The following FASTKD1 variants were observed in gnomAD, a reference collection of about 807,000 sequenced individuals.
FASTKD1 encodes FAST kinase domain-containing protein 1, mitochondrial.
In FASTKD1, 94 loss-of-function variants were observed where a neutral mutation model predicts 90.9. That is an observed-to-expected ratio of 1.03 (90% CI 0.88 to 1.23). The LOEUF (loss-of-function observed/expected upper bound fraction) is 1.23, where lower values mean the gene tolerates loss of function less well. Among genes scored for constraint, FASTKD1 ranks in the 50% most tolerant of loss-of-function variants. FASTKD1 has a pLI of 0.00. For missense variants in FASTKD1, 945 were observed against 993.5 expected, an observed-to-expected ratio of 0.95 and a Z score of 0.66; for synonymous variants, 319 against 345.8, an observed-to-expected ratio of 0.92 and a Z score of 0.86.
intron 7 of FASTKD1, 55 bp downstream of exon 7, chr2:169,555,069 C>T (rs1005021312): frequency 3.9e-6 from 6 of 1,539,192 alleles, no homozygotes; most frequent in Non-Finnish European, 4.4e-6. Flanking sequence ...TTAAACAAAA[C>T]AAATATTGTG....
intron 12 of FASTKD1, among the ~76,000 whole-genome samples, chr2:169,531,939 G>T (rs1409611477): frequency 6.6e-6 from 1 of 152,156 alleles, no homozygotes; most frequent in Non-Finnish European, 1.5e-5. Context: ...ACAAATTCCA[G>T]CTAATAAATG....
chr2:169,544,677 CCT>C (rs1685105701), intron 9 of FASTKD1, 42 bp downstream of exon 9: 1 of 1,053,066 alleles, frequency 9.5e-7, no homozygotes, highest in Non-Finnish European at 1.5e-6. Context: ...CAACAAGTAT[CCT>C]CTGACTTATT....
chr2:169,532,204 G>A (rs1045602819), intron 12 of FASTKD1, among the ~76,000 whole-genome samples: 9 of 152,104 alleles, frequency 5.9e-5, no homozygotes, highest in Non-Finnish European at 1.3e-4. Flanking sequence ...CAGATTGCTT[G>A]AGCTCAGGAG....
At chr2:169,560,993 AT>A (rs1271057278) in intron 4 of FASTKD1, among the ~76,000 whole-genome samples, 2 of 148,492 alleles carry the variant, frequency 1.3e-5, no homozygotes, top group Non-Finnish European at 1.5e-5. Context: ...ACATAAGTGT[AT>A]TTTTTTTAAA....
chr2:169,563,451 CA>C, intron 3 of FASTKD1, 101 bp from the exon 4 acceptor site: 1 of 852,718 alleles, frequency 1.2e-6, no homozygotes, highest in Non-Finnish European at 1.6e-6. Context: ...TAGTAAATTA[CA>C]TAAAATTTTT....
At position 169,571,761 on chromosome 2, in the gene FASTKD1, T is replaced by C. The variant is rs1188562133; in HGVS notation, c.269A>G (p.Glu90Gly). The C allele has an allele frequency of 6.2e-7, 1 of 1,614,072 alleles. No homozygotes were observed. The highest frequency in any genetic ancestry group is 1.1e-5 in the South Asian group (1 of 91,076). The change falls in exon 2 of 15, where the codon GAG becomes GGG. Residue 90 changes from glutamate (E) to glycine (G), a missense_variant. Transcript: ENST00000453153. ...AAATTGAGGATGGTCTCTGACATAC[T>C]CAGCATTTTTTAACAGGCTGGTCTT... ...KQKTSLLKNA[E>G]YVRDHPQFLT...
chr2:169,564,576 A>C (rs1006857174), intron 3 of FASTKD1, among the ~76,000 whole-genome samples: 1 of 152,180 alleles, frequency 6.6e-6, no homozygotes, highest in Non-Finnish European at 1.5e-5. Context: ...AGTTACAAAC[A>C]ATCCAATTAC....
In FASTKD1 at chr2:169,572,419, A is replaced by G. The variant is rs559463725; in HGVS notation, c.-142-248T>C. Among the ~76,000 whole-genome samples the G allele has an allele frequency of 1.1e-4, 17 of 152,162 alleles. No homozygotes were observed. In the South Asian group the frequency reaches 1.7e-3, roughly 15 times the overall value. On this transcript the variant is annotated intron_variant, in intron 1 of 14. Transcript: ENST00000453153. ...TCAAATTTACCATAAAAGGAAAAAAAAAGCCCACAAACTCAGAGCTGTCTT... is the reference window on the plus strand; with the variant it reads ...TCAAATTTACCATAAAAGGAAAAAAGAAGCCCACAAACTCAGAGCTGTCTT...
intron 13 of FASTKD1, 172 bp downstream of exon 13, chr2:169,531,180 A>C: frequency 1.3e-6 from 1 of 786,606 alleles, no homozygotes; most frequent in Non-Finnish European, 2.3e-6. Flanking sequence ...TGGACAGAAG[A>C]AGGGAGAACA....
chr2:169,571,558 AAAAT>A (rs1286441286), intron 2 of FASTKD1, 91 bp downstream of exon 2: 11 of 962,606 alleles, frequency 1.1e-5, no homozygotes, highest in Admixed American at 3.1e-5. Flanking sequence ...AGACTCCTCA[AAAAT>A]AAATAAATAA....
intron 9 of FASTKD1, among the ~76,000 whole-genome samples, chr2:169,542,007 A>G (rs937776630): frequency 3.9e-5 from 6 of 152,108 alleles, no homozygotes; most frequent in African/African-American, 1.4e-4. Flanking sequence ...AATTCATTTA[A>G]TCCATGGTTA....
chr2:169,539,277 AAAAAAGAAAAAG>A (rs1394727653), intron 10 of FASTKD1, among the ~76,000 whole-genome samples: 1 of 151,884 alleles, frequency 6.6e-6, no homozygotes, highest in Non-Finnish European at 1.5e-5. Flanking sequence ...ATCTCAAAAA[AAAAAAGAAAAAG>A]AAAAAGAAAG....
intron 1 of FASTKD1, 124 bp from the exon 2 acceptor site, chr2:169,572,295 G>A (rs1684268693): frequency 4.2e-6 from 1 of 238,254 alleles, no homozygotes. Flanking sequence ...GTCTAAACCA[G>A]ATAGCAGAAT....
intron 9 of FASTKD1, among the ~76,000 whole-genome samples, chr2:169,542,897 T>G (rs888589713): frequency 6.6e-6 from 1 of 152,128 alleles, no homozygotes; most frequent in African/African-American, 2.4e-5. Flanking sequence ...AATCAGACAT[T>G]ATGTGCCTCC....
At chr2:169,568,223 C>T (rs1034123411) in intron 3 of FASTKD1, among the ~76,000 whole-genome samples, 1 of 152,162 alleles carries the variant, frequency 6.6e-6, no homozygotes, top group African/African-American at 2.4e-5. Context: ...GCTACAGATG[C>T]TCCTAAACAG....
Position 169,564,699 on chromosome 2 carries a change from C to G in FASTKD1, c.447-1349G>C, listed in dbSNP as rs917501854. Reference sequence around the variant, plus strand: ...TATTTTTTTTTACCCATTAACCATCCCCACCTCCCCCACAATCGCCCGTTA... The same window carrying G: ...TATTTTTTTTTACCCATTAACCATCGCCACCTCCCCCACAATCGCCCGTTA... On this transcript the variant is annotated intron_variant, in intron 3 of 14. Coordinates refer to ENST00000453153, the MANE Select transcript of FASTKD1 (RefSeq NM_024622.6). 3.3e-5 allele frequency among the ~76,000 whole-genome samples: 5 copies of G among 151,910 alleles called. No homozygotes were observed. The East Asian group carries it at 9.6e-4, about 29-fold the overall frequency.
Position 169,569,191 on chromosome 2 carries a change from G to A in FASTKD1, c.439C>T (p.Leu147=). The A allele has an allele frequency of 6.2e-7, 1 of 1,613,816 alleles. No individual in the cohort carries two copies. ...TGAACCCAGGGTACTTGCCTTTCTA[G>A]CCTTCTCCATGCTTCTGTAACTAGT... The part of the protein sequence containing the change: ...EALVTEAWRR[L]ERFDIKLLSE... The change falls in exon 3 of 15, where the codon CTA becomes TTA. Residue 147 remains leucine, a synonymous_variant. Transcript: ENST00000453153.
intron 12 of FASTKD1, 68 bp downstream of exon 12, chr2:169,537,159 G>T: frequency 2.1e-6 from 2 of 954,166 alleles, no homozygotes; most frequent in Non-Finnish European, 1.6e-6. Flanking sequence ...AATTCCAACT[G>T]ATAAGATGAT....
In FASTKD1 at chr2:169,546,328, T is replaced by C. The variant is rs1685191856; in HGVS notation, c.1591A>G (p.Ile531Val). The C allele has an allele frequency of 6.2e-7, 1 of 1,614,064 alleles. No homozygotes were observed. The highest frequency in any genetic ancestry group is 8.5e-7 in the Non-Finnish European group (1 of 1,179,968). Reference protein sequence around the residue: ...IATLQHFMDDINYINVGEIAS... With the variant: ...IATLQHFMDDVNYINVGEIAS... Reference sequence around the variant, plus strand: ...ATCTCCCCAACATTTATGTAATTAATATCATCCATGAAATGCTGTAAAGTA... The same window carrying C: ...ATCTCCCCAACATTTATGTAATTAACATCATCCATGAAATGCTGTAAAGTA... Residue 531 changes from isoleucine to valine, a missense_variant, in exon 8 of 15, where the codon ATT (isoleucine) becomes GTT (valine). Coordinates refer to ENST00000453153, the MANE Select transcript of FASTKD1 (RefSeq NM_024622.6).
Sources: allele counts gnomAD v4.1 joint callset (sites outside exome capture counted in the v4.1 genomes callset), GRCh38; gene constraint gnomAD v4.1.1; transcripts MANE v1.5; gene names NCBI Gene and HGNC (gene_info 2026-07-23, HGNC 2026-07-21).